The following SOHLH2 variants were observed in gnomAD, a reference collection of about 807,000 sequenced individuals.
The protein encoded by SOHLH2 is spermatogenesis and oogenesis specific basic helix-loop-helix 2.
Under a neutral mutation model 50.4 loss-of-function variants are expected in SOHLH2, and 22 were observed. The ratio of observed to expected loss-of-function variants is 0.44; its 90% CI spans 0.31 to 0.62. The LOEUF (loss-of-function observed/expected upper bound fraction) is 0.62, where lower values mean the gene tolerates loss of function less well. SOHLH2 is among the 20% of genes least tolerant of loss of function. The pLI is 0.08. For synonymous variants in SOHLH2, 185 were observed against 187.3 expected (o/e 0.99, Z 0.10); for missense variants, 412 against 504.4 (o/e 0.82, Z 1.76).
chr13:36,196,405 C>A (rs1887731943), intron 2 of SOHLH2, among the ~76,000 whole-genome samples: 1 of 152,042 alleles, frequency 6.6e-6, no homozygotes, highest in Non-Finnish European at 1.5e-5. Context: ...AGATTACAGG[C>A]AAGAGCCACT....
At chr13:36,196,474 T>A (rs1001353828) in intron 2 of SOHLH2, among the ~76,000 whole-genome samples, 1 of 151,772 alleles carries the variant, frequency 6.6e-6, no homozygotes, top group Non-Finnish European at 1.5e-5. Flanking sequence ...ATAACGGAGG[T>A]ACAGACAACA....
At chr13:36,208,260 T>C (rs187642384) in intron 1 of SOHLH2, among the ~76,000 whole-genome samples, 2 of 152,340 alleles carry the variant, frequency 1.3e-5, no homozygotes, top group African/African-American at 4.8e-5. Flanking sequence ...TGATTTTCTA[T>C]TTCCTTCCAT....
intron 5 of SOHLH2, among the ~76,000 whole-genome samples, chr13:36,190,695 C>A (rs1476473355): frequency 6.6e-6 from 1 of 152,060 alleles, no homozygotes; most frequent in East Asian, 1.9e-4. Flanking sequence ...GAGTAGAGAT[C>A]AAAAAGCACA....
Position 36,184,908 on chromosome 13 carries a change from T to C in SOHLH2, c.641+5038A>G, listed in dbSNP as rs374935395. On this transcript the variant is annotated intron_variant, in intron 6 of 10. Coordinates refer to ENST00000379881, the MANE Select transcript of SOHLH2 (RefSeq NM_017826.3). ...ATGCATTAGGTATTTGTCCTAATGC[T>C]CTCCCTCCCCTTTCCCCTCAACCCC... Among the ~76,000 whole-genome samples, 25 of 152,136 alleles carry C rather than the reference T, an allele frequency of 1.6e-4. No individual in the cohort carries two copies. In the South Asian group the frequency reaches 3.5e-3, roughly 22 times the overall value.
At chr13:36,185,531 C>T (rs1887392653) in intron 6 of SOHLH2, among the ~76,000 whole-genome samples, 1 of 151,528 alleles carries the variant, frequency 6.6e-6, no homozygotes, top group Non-Finnish European at 1.5e-5. Flanking sequence ...GAGCAGAAAT[C>T]AATGAAATAA....
rs146472894 is a variant in SOHLH2, at chr13:36,187,688, C to T, written c.641+2258G>A. Among the ~76,000 whole-genome samples the T allele has an allele frequency of 3.9e-3, 597 of 152,270 alleles. 4 individuals carry two copies. Among genetic ancestry groups the T allele is most frequent in the African/African-American group, 0.013 (551 of 41,566 alleles). On this transcript the variant is annotated intron_variant, in intron 6 of 10. Coordinates refer to ENST00000379881, the MANE Select transcript of SOHLH2 (RefSeq NM_017826.3). ...AACTTCCTCCCTGATCGGGCCCCAT[C>T]GAAAAATTCATGTGAATTCACATTG...
intron 1 of SOHLH2, among the ~76,000 whole-genome samples, chr13:36,208,804 T>A (rs557064644): frequency 6.6e-6 from 1 of 152,312 alleles, no homozygotes; most frequent in East Asian, 1.9e-4. Flanking sequence ...ACATCTTCAC[T>A]GTGCTCTCAC....
intron 9 of SOHLH2, among the ~76,000 whole-genome samples, chr13:36,173,221 G>T (rs1231983341): frequency 6.6e-6 from 1 of 152,160 alleles, no homozygotes; most frequent in African/African-American, 2.4e-5. Flanking sequence ...TGGAAGATAG[G>T]CAACAAACAA....
chr13:36,202,350 C>T (rs1221747083), intron 1 of SOHLH2, among the ~76,000 whole-genome samples: 1 of 152,208 alleles, frequency 6.6e-6, no homozygotes, highest in Admixed American at 6.5e-5. Flanking sequence ...TGCTATTCTA[C>T]TTCAGTTTTT....
chr13:36,202,193 C>T (rs917603612), intron 1 of SOHLH2, 100 bp from the exon 2 acceptor site: 24 of 1,398,298 alleles, frequency 1.7e-5, no homozygotes, highest in Non-Finnish European at 2.2e-5. Flanking sequence ...ACAAATAACA[C>T]AACAATTGAC....
At chr13:36,203,435 T>G (rs1868548648) in intron 1 of SOHLH2, among the ~76,000 whole-genome samples, 1 of 152,242 alleles carries the variant, frequency 6.6e-6, no homozygotes, top group Non-Finnish European at 1.5e-5. Flanking sequence ...CAGTCTTCCT[T>G]ATTTTCGATG....
rs1273610616 is a variant in SOHLH2, at chr13:36,202,040, A to G, written c.102T>C (p.Asp34=). 1 of 1,614,256 alleles carries G rather than the reference A, an allele frequency of 6.2e-7. No individual in the cohort carries two copies. ...TGTTTGCAAATAGTTTCTGTACAGT[A>G]TCAGCCAGGTAGCCCACAGTGACAT... ...VGDVTVGYLA[D]TVQKLFANIA... Residue 34 remains aspartate, a synonymous_variant, in exon 2 of 11, where the codon GAT becomes GAC. Transcript: ENST00000379881.
intron 8 of SOHLH2, 81 bp downstream of exon 8, chr13:36,174,395 C>T: frequency 1.9e-6 from 3 of 1,568,784 alleles, no homozygotes; most frequent in Non-Finnish European, 2.6e-6. Context: ...CTGTGGATAG[C>T]AGTTTTTGTG....
intron 1 of SOHLH2, among the ~76,000 whole-genome samples, chr13:36,211,202 CTT>C (rs1869099669): frequency 6.6e-6 from 1 of 152,156 alleles, no homozygotes; most frequent in Non-Finnish European, 1.5e-5. Flanking sequence ...AACTGAGGCT[CTT>C]TTGAGAATGA....
At chr13:36,169,980 C>T (rs964737811) in intron 10 of SOHLH2, among the ~76,000 whole-genome samples, 3 of 152,164 alleles carry the variant, frequency 2.0e-5, no homozygotes, top group Non-Finnish European at 4.4e-5. Context: ...GGGCAGGGAT[C>T]GTGTCTACCT....
rs73167242 is a variant in SOHLH2 at position 36,211,294 on chromosome 13, A to G, written c.48+3185T>C. On this transcript the variant is annotated intron_variant, in intron 1 of 10. Coordinates refer to ENST00000379881, the MANE Select transcript of SOHLH2 (RefSeq NM_017826.3). ...TGGGATATAGTTTGTAAAACTTTCT[A>G]TTAGTAAGGTTTATTTTTTCTTTTA... 3.1e-3 allele frequency among the ~76,000 whole-genome samples: 476 copies of G among 152,284 alleles called. 3 individuals carry two copies. The highest frequency in any genetic ancestry group is 5.6e-3 in the Non-Finnish European group (384 of 68,004).
At position 36,192,659 on chromosome 13, in the gene SOHLH2, C is replaced by T. The variant is rs574194350; in HGVS notation, c.431-765G>A. Among the ~76,000 whole-genome samples the T allele has an allele frequency of 8.4e-4, 128 of 152,162 alleles. 1 individual carries two copies. The highest frequency in any genetic ancestry group is 2.9e-3 in the African/African-American group (121 of 41,526). ...CTTTATTAAAGTATAATTGACAATT[C>T]GAAATTGTACATATTTAAGGTGTAC... On this transcript the variant is annotated intron_variant, in intron 4 of 10. Coordinates refer to ENST00000379881, the MANE Select transcript of SOHLH2 (RefSeq NM_017826.3).
chr13:36,182,734 T>C (rs1672767396), intron 6 of SOHLH2: 1 of 152,204 alleles, frequency 6.6e-6, no homozygotes, highest in African/African-American at 2.4e-5. Flanking sequence ...CTGCCCAAAC[T>C]GGTGACTCAC....
chr13:36,210,186 G>C (rs945364543), intron 1 of SOHLH2, among the ~76,000 whole-genome samples: 1 of 152,144 alleles, frequency 6.6e-6, no homozygotes, highest in Admixed American at 6.5e-5. Flanking sequence ...GTAGGAGTGA[G>C]CTGGGAGAGT....
Sources: allele counts gnomAD v4.1 joint callset (sites outside exome capture counted in the v4.1 genomes callset), GRCh38; gene constraint gnomAD v4.1.1; transcripts MANE v1.5; gene names NCBI Gene and HGNC (gene_info 2026-07-23, HGNC 2026-07-21).